Variants in HERC2 observed in about 807,000 individuals in gnomAD.
The protein encoded by HERC2 is E3 ubiquitin-protein ligase HERC2.
HERC2 carries 102 observed loss-of-function variants against 537.7 expected under a neutral mutation model. The observed-to-expected ratio is 0.19, with a 90% CI of 0.16 to 0.22. The LOEUF (loss-of-function observed/expected upper bound fraction) is 0.22, where lower values mean the gene tolerates loss of function less well. Among genes scored for constraint, HERC2 ranks in the 10% least tolerant of loss-of-function variants. The pLI is 1.00. For synonymous variants in HERC2, 2,224 were observed against 2,466.2 expected, an observed-to-expected ratio of 0.90 and a Z score of 2.91; for missense variants, 4,236 against 6,198.2, an observed-to-expected ratio of 0.68 and a Z score of 10.63.
chr15:28,249,307 G>A (rs527409855), intron 20 of HERC2, among the ~76,000 whole-genome samples: 1 of 152,226 alleles, frequency 6.6e-6, no homozygotes, highest in Non-Finnish European at 1.5e-5. Flanking sequence ...CGAGGGCTCA[G>A]GGAGTCCAGG....
chr15:28,180,406 T>G (rs57487014), intron 57 of HERC2, among the ~76,000 whole-genome samples: 3,713 of 152,348 alleles, frequency 0.024, 142 homozygotes, highest in African/African-American at 0.085. Context: ...AAGTAATGCA[T>G]GACTGTACTA....
In HERC2 at chr15:28,260,697, T is replaced by C. The variant is rs2140926168; in HGVS notation, c.2316+80A>G. 2.6e-6 allele frequency: 3 copies of C among 1,132,608 alleles called. No homozygotes were observed. In the East Asian group the frequency reaches 7.2e-5, roughly 27 times the overall value. 70.2% of individuals were successfully genotyped at this position (1,132,608 alleles called of 1,614,324 possible). ...CACAAGAACAACAAACAAAACTCAG[T>C]GGTATTTTCTACATACTGGTAATGA... On this transcript the variant is annotated intron_variant, in intron 16 of 92. Transcript: ENST00000261609.
intron 14 of HERC2, among the ~76,000 whole-genome samples, chr15:28,263,708 T>C (rs2075475960): frequency 6.6e-6 from 1 of 152,190 alleles, no homozygotes; most frequent in South Asian, 2.1e-4. Context: ...GCTGAAAACT[T>C]TGCAAAAACT....
intron 2 of HERC2, among the ~76,000 whole-genome samples, chr15:28,319,740 G>A (rs2077182867): frequency 6.6e-6 from 1 of 151,816 alleles, no homozygotes; most frequent in Admixed American, 6.6e-5. Context: ...CCCATCATAG[G>A]AACTCAATTC....
At chr15:28,121,057 C>CA (rs2142083837) in intron 86 of HERC2, among the ~76,000 whole-genome samples, 1 of 152,342 alleles carries the variant, frequency 6.6e-6, no homozygotes, top group South Asian at 2.1e-4. Context: ...TATCATCATG[C>CA]AGTGGGAAGA....
At chr15:28,195,290 A>C (rs559515338) in intron 52 of HERC2, among the ~76,000 whole-genome samples, 1 of 152,102 alleles carries the variant, frequency 6.6e-6, no homozygotes, top group East Asian at 1.9e-4. Flanking sequence ...AAAAAATAAT[A>C]ATTAAAAAAC....
intron 27 of HERC2, 84 bp from the exon 28 acceptor site, chr15:28,233,880 C>T (rs1333191854): frequency 8.1e-7 from 1 of 1,233,044 alleles, no homozygotes; most frequent in Non-Finnish European, 1.2e-6. Context: ...TTCTGACGCA[C>T]TTGCAATCAC....
chr15:28,163,126 C>T lies in HERC2; in HGVS notation c.10714G>A (p.Val3572Met). The change falls in exon 69 of 93, where the codon GTG becomes ATG. Residue 3572 changes from valine to methionine, a missense_variant. Val to Met is a conservative substitution (Grantham distance 21). This residue lies in a region of HERC2 where 356 missense variants were observed against 450.9 expected (regional missense o/e 0.79). Transcript: ENST00000261609. Reference protein sequence around the residue: ...GDRGRDVLSAVLSGMGTAYPQ... With the variant: ...GDRGRDVLSAMLSGMGTAYPQ... ...TAGGCGGTCCCCATGCCGGAAAGCA[C>T]CGCGGAGAGCACATCCCTGCCCCTG... 1 of 1,611,832 alleles carries T rather than the reference C, an allele frequency of 6.2e-7. No individual in the cohort carries two copies. The highest frequency in any genetic ancestry group is 2.2e-5 in the East Asian group (1 of 44,856).
intron 44 of HERC2, 71 bp downstream of exon 44, chr15:28,210,931 G>T: frequency 1.9e-6 from 2 of 1,065,196 alleles, no homozygotes; most frequent in South Asian, 1.3e-5. Context: ...TTTATGAACT[G>T]ATTATTCACT....
chr15:28,225,509 A>G lies in HERC2; in HGVS notation c.5464+2709T>C, dbSNP rs565537501. On this transcript the variant is annotated intron_variant, in intron 35 of 92. Coordinates refer to ENST00000261609, the MANE Select transcript of HERC2 (RefSeq NM_004667.6). Reference sequence around the variant, plus strand: ...TCAAGAGATCGAGACCATCCTGGTCAACACGGTGAAACCCCGTCTCCACTA... The same window carrying G: ...TCAAGAGATCGAGACCATCCTGGTCGACACGGTGAAACCCCGTCTCCACTA... Among the ~76,000 whole-genome samples the G allele has an allele frequency of 4.9e-4, 75 of 152,154 alleles. No individual in the cohort carries two copies. In the East Asian group the frequency reaches 0.01, roughly 20 times the overall value.
At chr15:28,260,708 A>ACTGAGTATTGTT in intron 16 of HERC2, 69 bp downstream of exon 16, 5 of 1,288,852 alleles carry the variant, frequency 3.9e-6, no homozygotes, top group Non-Finnish European at 5.5e-6. Context: ...GGTATTTTCT[A>ACTGAGTATTGTT]CATACTGGTA....
At chr15:28,273,057 T>G (rs968459600) in intron 7 of HERC2, 53 bp from the exon 8 acceptor site, 4 of 1,278,260 alleles carry the variant, frequency 3.1e-6, no homozygotes, top group Non-Finnish European at 4.6e-6. Context: ...AAAGACAGCA[T>G]GCTTACAATC....
At chr15:28,274,575 G>C in intron 6 of HERC2, 128 bp from the exon 7 acceptor site, 1 of 928,396 alleles carries the variant, frequency 1.1e-6, no homozygotes, top group Non-Finnish European at 1.6e-6. Context: ...CCAAAATCTA[G>C]CGCAGCTGCT....
intron 2 of HERC2, among the ~76,000 whole-genome samples, chr15:28,314,209 A>G (rs1463862947): frequency 2.0e-5 from 3 of 152,172 alleles, no homozygotes. Flanking sequence ...AGACCACATC[A>G]TTGAAAAATG....
chr15:28,144,482 C>G (rs1891537427), intron 72 of HERC2, among the ~76,000 whole-genome samples, 191 bp downstream of exon 72: 1 of 152,214 alleles, frequency 6.6e-6, no homozygotes, highest in Non-Finnish European at 1.5e-5. Flanking sequence ...GAGTGTGAGC[C>G]TGACAGCTGG....
chr15:28,200,324 G>A (rs547518442), intron 48 of HERC2, among the ~76,000 whole-genome samples: 2 of 152,284 alleles, frequency 1.3e-5, no homozygotes, highest in Admixed American at 1.3e-4. Context: ...GAACCCGGGA[G>A]GCGGAGCTTG....
Position 28,275,079 on chromosome 15 carries a change from T to C in HERC2, c.543-74A>G, listed in dbSNP as rs1029939203. ...CAGATACTACATAAAATCAATACTA[T>C]GAAAGGGTGTGTACCAAAATCCGAC... On this transcript the variant is annotated intron_variant, in intron 5 of 92. Transcript: ENST00000261609. 10 of 870,034 alleles carry C rather than the reference T, an allele frequency of 1.1e-5. No homozygotes were observed. In the Admixed American group the frequency reaches 1.2e-4, roughly 10 times the overall value. The allele number at this position is 870,034 out of a possible 1,614,324, so 53.9% of individuals were successfully genotyped here.
At chr15:28,182,557 C>T in intron 56 of HERC2, 45 bp from the exon 57 acceptor site, 1 of 1,349,196 alleles carries the variant, frequency 7.4e-7, no homozygotes. Flanking sequence ...AGAGGTTATT[C>T]AGCATAAAAC....
chr15:28,214,024 A>G, intron 41 of HERC2, 52 bp from the exon 42 acceptor site: 3 of 1,610,592 alleles, frequency 1.9e-6, no homozygotes, highest in Admixed American at 1.7e-5. Flanking sequence ...GAGCTGCCCA[A>G]TCCCTACAGG....
Sources: gnomAD v4.1 joint callset for allele counts (sites outside exome capture counted in the v4.1 genomes callset) on GRCh38, gnomAD v4.1.1 for gene constraint, gnomAD v4.1.1 regional missense constraint, MANE v1.5 for transcripts, NCBI Gene and HGNC (gene_info 2026-07-23, HGNC 2026-07-21) for gene names.